The following BAZ2B variants were observed in gnomAD, a reference collection of about 807,000 sequenced individuals.
BAZ2B encodes the protein bromodomain adjacent to zinc finger domain 2B.
A neutral mutation model predicts 246.0 loss-of-function variants in BAZ2B; 91 were observed. That is an observed-to-expected ratio of 0.37 (90% CI 0.31 to 0.44). BAZ2B has a LOEUF of 0.44. BAZ2B is among the 20% of genes least tolerant of loss of function. The pLI, the probability that BAZ2B is intolerant of heterozygous loss-of-function variation, is 1.00. For missense variants in BAZ2B, 2,332 were observed against 2,533.7 expected, an observed-to-expected ratio of 0.92 and a Z score of 1.71; for synonymous variants, 855 against 860.0, an observed-to-expected ratio of 0.99 and a Z score of 0.10.
intron 6 of BAZ2B, among the ~76,000 whole-genome samples, chr2:159,445,293 A>G (rs1477793430): frequency 6.6e-6 from 1 of 152,254 alleles, no homozygotes; most frequent in Non-Finnish European, 1.5e-5. Flanking sequence ...ATTGATTAAT[A>G]ACAGAAGATT....
chr2:159,436,474 T>C (rs929181710), intron 8 of BAZ2B, among the ~76,000 whole-genome samples: 1 of 152,054 alleles, frequency 6.6e-6, no homozygotes, highest in African/African-American at 2.4e-5. Flanking sequence ...TGGGGCCAGG[T>C]GTGGTGGCTC....
At chr2:159,362,513 C>T (rs867229186) in intron 27 of BAZ2B, among the ~76,000 whole-genome samples, 11 of 152,146 alleles carry the variant, frequency 7.2e-5, no homozygotes, top group East Asian at 1.9e-4. Context: ...ATCCTGTGTA[C>T]GGTTACTTCT....
intron 21 of BAZ2B, among the ~76,000 whole-genome samples, chr2:159,388,191 T>C (rs2062863225): frequency 6.6e-6 from 1 of 152,020 alleles, no homozygotes; most frequent in African/African-American, 2.4e-5. Context: ...TTGCAAATCA[T>C]TTGAATATTG....
At chr2:159,692,551 T>C in the BAZ2B span, among the ~76,000 whole-genome samples, 19 of 152,294 alleles carry the variant, frequency 1.2e-4, no homozygotes, top group Non-Finnish European at 2.4e-4. Context: ...AATATATTTA[T>C]TGAAACAAGT....
intron 2 of BAZ2B, among the ~76,000 whole-genome samples, chr2:159,528,078 G>A (rs2084944972): frequency 6.6e-6 from 1 of 152,148 alleles, no homozygotes; most frequent in South Asian, 2.1e-4. Flanking sequence ...GGCTGTGGAA[G>A]ATTTCATATA....
chr2:159,639,114 A>AAC, the BAZ2B span, among the ~76,000 whole-genome samples: 132 of 151,292 alleles, frequency 8.7e-4, no homozygotes, highest in Middle Eastern at 6.9e-3. Context: ...GTGTTGGGAA[A>AAC]ACACACACAC....
chr2:159,539,354 A>C (rs952639185), intron 2 of BAZ2B, among the ~76,000 whole-genome samples: 9 of 152,260 alleles, frequency 5.9e-5, no homozygotes, highest in Non-Finnish European at 1.0e-4. Flanking sequence ...AAGATAATGG[A>C]AGTTTCTTAA....
chr2:159,548,198 T>C (rs1007272074), intron 2 of BAZ2B, among the ~76,000 whole-genome samples: 6 of 152,214 alleles, frequency 3.9e-5, no homozygotes, highest in Non-Finnish European at 8.8e-5. Flanking sequence ...ATAACGTTAC[T>C]GTACTACATT....
intron 33 of BAZ2B, 45 bp downstream of exon 33, chr2:159,336,897 G>A (rs534048737): frequency 6.8e-7 from 1 of 1,479,350 alleles, no homozygotes; most frequent in Non-Finnish European, 9.2e-7. Flanking sequence ...GAAGAAACAG[G>A]ACAAAGTAAA....
chr2:159,680,008 T>C, the BAZ2B span, among the ~76,000 whole-genome samples: 5 of 152,234 alleles, frequency 3.3e-5, no homozygotes, highest in African/African-American at 1.2e-4. Context: ...CAACAAACTG[T>C]AATCTATAGA....
intron 13 of BAZ2B, among the ~76,000 whole-genome samples, chr2:159,424,939 T>C (rs78640029): frequency 0.01 from 1,548 of 152,314 alleles, 12 homozygotes; most frequent in Non-Finnish European, 0.017. Context: ...CAATCCACAA[T>C]TGCTTCAATC....
At chr2:159,450,460 C>G (rs1390917294) in intron 4 of BAZ2B, among the ~76,000 whole-genome samples, 2 of 151,126 alleles carry the variant, frequency 1.3e-5, no homozygotes, top group African/African-American at 2.4e-5. Flanking sequence ...TAACCTGACA[C>G]CACAGAAGAA....
chr2:159,328,934 C>T (rs781436008), intron 34 of BAZ2B, among the ~76,000 whole-genome samples: 2 of 152,092 alleles, frequency 1.3e-5, no homozygotes, highest in Non-Finnish European at 2.9e-5. Flanking sequence ...TCGAGACCAG[C>T]TTGGCCAACA....
Position 159,400,631 on chromosome 2 carries a change from C to T in BAZ2B, c.2866G>A (p.Glu956Lys). 6.3e-7 allele frequency: 1 copy of T among 1,576,964 alleles called. No individual in the cohort carries two copies. The highest frequency in any genetic ancestry group is 8.7e-7 in the Non-Finnish European group (1 of 1,153,172). ...KIKRIQQIRM[E>K]KELRAQQILE... ...ATTTGCTGAGCTCGAAGTTCTTTTT[C>T]CATTCTGATTTGCTGTATTCTCTTA... The change falls in exon 17 of 37, where the codon GAA (glutamate) becomes AAA (lysine). Residue 956 changes from glutamate (E) to lysine (K), a missense_variant. Transcript: ENST00000392783.
At chr2:159,409,150 G>A (rs1009580630) in intron 14 of BAZ2B, among the ~76,000 whole-genome samples, 7 of 151,936 alleles carry the variant, frequency 4.6e-5, no homozygotes, top group South Asian at 2.1e-4. Context: ...TTTCAAAGAT[G>A]AAGTTTATTT....
chr2:159,563,320 G>T (rs1435755308), intron 1 of BAZ2B, among the ~76,000 whole-genome samples: 1 of 152,044 alleles, frequency 6.6e-6, no homozygotes, highest in Admixed American at 6.6e-5. Context: ...TATTCATTAT[G>T]TACCTTAGGC....
At chr2:159,358,687 T>A (rs998685276) in intron 27 of BAZ2B, among the ~76,000 whole-genome samples, 1 of 152,174 alleles carries the variant, frequency 6.6e-6, no homozygotes, top group African/African-American at 2.4e-5. Context: ...TCGCACTTAT[T>A]CCAAAATTGA....
At chr2:159,608,633 G>GC (rs1694048019) in intron 1 of BAZ2B, among the ~76,000 whole-genome samples, 1 of 152,116 alleles carries the variant, frequency 6.6e-6, no homozygotes, top group East Asian at 1.9e-4. Flanking sequence ...TAGTCAAAAG[G>GC]GAGTGAAGAA....
chr2:159,648,627 A>C, the BAZ2B span, among the ~76,000 whole-genome samples: 1 of 151,964 alleles, frequency 6.6e-6, no homozygotes, highest in African/African-American at 2.4e-5. Flanking sequence ...TTTCAGATTC[A>C]CTCATTGTTT....
Sources: allele counts gnomAD v4.1 joint callset (sites outside exome capture counted in the v4.1 genomes callset), GRCh38; gene constraint gnomAD v4.1.1; transcripts MANE v1.5; gene names NCBI Gene and HGNC (gene_info 2026-07-23, HGNC 2026-07-21).